KIAA0825: variants seen among roughly 807,000 people sequenced by gnomAD.
The protein encoded by KIAA0825 is uncharacterized protein KIAA0825.
KIAA0825 carries 119 observed loss-of-function variants against 147.6 expected under a neutral mutation model. The ratio of observed to expected loss-of-function variants is 0.81; its 90% CI spans 0.69 to 0.94. The LOEUF (loss-of-function observed/expected upper bound fraction) is 0.94, where lower values mean the gene tolerates loss of function less well. Among genes scored for constraint, KIAA0825 ranks in the 40% least tolerant of loss-of-function variants. The pLI is 0.00. For synonymous variants in KIAA0825, 470 were observed against 518.1 expected, an observed-to-expected ratio of 0.91 and a Z score of 1.26; for missense variants, 1,381 against 1,472.7, an observed-to-expected ratio of 0.94 and a Z score of 1.02.
At chr5:94,261,806 T>C (rs985423722) in intron 20 of KIAA0825, among the ~76,000 whole-genome samples, 3 of 152,086 alleles carry the variant, frequency 2.0e-5, no homozygotes, top group Non-Finnish European at 4.4e-5. Flanking sequence ...TTCATTTCCA[T>C]CTATTCCCAC....
At chr5:94,437,591 A>T (rs1756538108) in intron 14 of KIAA0825, among the ~76,000 whole-genome samples, 1 of 152,202 alleles carries the variant, frequency 6.6e-6, no homozygotes, top group African/African-American at 2.4e-5. Flanking sequence ...GGACATAATT[A>T]TTTTTGATAA....
rs1453661930 is a variant in KIAA0825, at chr5:94,391,681, T to C, written c.3310A>G (p.Ile1104Val). Residue 1104 changes from isoleucine (I) to valine (V), a missense_variant, in exon 18 of 21, where the codon ATA (isoleucine) becomes GTA (valine). By Grantham distance (29) the Ile-to-Val change is conservative. Coordinates refer to ENST00000682413, the MANE Select transcript of KIAA0825 (RefSeq NM_001145678.3). ...KLSTECAFMT[I>V]EKSTALQEGD... is the part of the protein sequence containing the mutation. ...TCTTGTAAGGCCGTGCTTTTCTCTA[T>C]TGTCATAAATGCACTAAATACAAAG... The C allele has an allele frequency of 3.2e-6, 5 of 1,542,184 alleles. No homozygotes were observed. In the East Asian group the frequency reaches 1.2e-4, roughly 38 times the overall value.
chr5:94,211,421 T>C (rs549398101), intron 20 of KIAA0825, among the ~76,000 whole-genome samples: 3 of 152,176 alleles, frequency 2.0e-5, no homozygotes, highest in Non-Finnish European at 4.4e-5. Flanking sequence ...AACATAGGGT[T>C]ATTAGGCTCC....
intron 20 of KIAA0825, among the ~76,000 whole-genome samples, chr5:94,331,290 ACTC>A: frequency 6.6e-6 from 1 of 152,090 alleles, no homozygotes; most frequent in East Asian, 1.9e-4. Flanking sequence ...ATAAAGGACT[ACTC>A]CTTTTCATGA....
chr5:94,246,068 C>T (rs962377188), intron 20 of KIAA0825, among the ~76,000 whole-genome samples: 1 of 151,938 alleles, frequency 6.6e-6, no homozygotes, highest in Non-Finnish European at 1.5e-5. Flanking sequence ...TATCTTAGTT[C>T]GACAATGAGA....
intron 2 of KIAA0825, among the ~76,000 whole-genome samples, chr5:94,538,602 A>C (rs1477378070): frequency 6.6e-6 from 1 of 152,242 alleles, no homozygotes; most frequent in Non-Finnish European, 1.5e-5. Flanking sequence ...TCATTTGGTT[A>C]AACTTGATTC....
At chr5:94,578,544 T>C (rs964664777) in intron 2 of KIAA0825, among the ~76,000 whole-genome samples, 2 of 152,212 alleles carry the variant, frequency 1.3e-5, no homozygotes, top group African/African-American at 4.8e-5. Context: ...ATACAATTGA[T>C]TTTAAGATAA....
rs1359766149 is a variant in KIAA0825 at position 94,484,829 on chromosome 5, CT to C, written c.1071del (p.Gly358ValfsTer15). ...ATTTCGTCAAACAATTCTTGAACAC[CT>C]TTTTCCAGTTTCATAAAGGATTTTA... is the stretch of plus-strand genomic sequence containing the variant. ...QLIKSFMKLE[K>X]GVQELFDEIL... On this transcript the variant is annotated frameshift_variant, in exon 6 of 21. Coordinates refer to ENST00000682413, the MANE Select transcript of KIAA0825 (RefSeq NM_001145678.3). LOFTEE classifies it high-confidence loss of function. The C allele has an allele frequency of 1.9e-5, 29 of 1,530,776 alleles. No homozygotes were observed. The highest frequency in any genetic ancestry group is 4.9e-5 in the South Asian group (4 of 81,418). 94.8% of individuals were successfully genotyped at this position (1,530,776 alleles called of 1,614,324 possible).
intron 5 of KIAA0825, among the ~76,000 whole-genome samples, chr5:94,510,486 T>G (rs1336943488): frequency 1.3e-5 from 2 of 152,188 alleles, no homozygotes; most frequent in African/African-American, 4.8e-5. Flanking sequence ...AAGCAAACAT[T>G]GATAGGTTTT....
chr5:94,465,859 G>T (rs571588021), intron 10 of KIAA0825, among the ~76,000 whole-genome samples: 1 of 152,366 alleles, frequency 6.6e-6, no homozygotes, highest in East Asian at 1.9e-4. Context: ...GCAGAAAGAA[G>T]AGTGTGGCCT....
In KIAA0825 at chr5:94,508,496, A is replaced by T. The variant is rs917369484; in HGVS notation, c.970+11752T>A. Among the ~76,000 whole-genome samples the T allele has an allele frequency of 2.6e-5, 4 of 152,108 alleles. No individual in the cohort carries two copies. The South Asian group carries it at 8.3e-4, about 32-fold the overall frequency. ...TCTATTCCTTGTTAATCTAAGGCAA[A>T]CATTGTTTGTAGTGTGCATTTGTTT... On this transcript the variant is annotated intron_variant, in intron 5 of 20. Transcript: ENST00000682413.
intron 20 of KIAA0825, among the ~76,000 whole-genome samples, chr5:94,348,410 C>G (rs1288278727): frequency 1.3e-5 from 2 of 152,132 alleles, no homozygotes; most frequent in Admixed American, 6.5e-5. Context: ...ACTAGGTAAC[C>G]TTTAAAGGAA....
At position 94,608,239 on chromosome 5, in the gene KIAA0825, T is replaced by A. The variant is rs1184593224; in HGVS notation, c.-153+10261A>T. 3.4e-5 allele frequency among the ~76,000 whole-genome samples: 5 copies of A among 147,912 alleles called. No homozygotes were observed. In the East Asian group the frequency reaches 1.0e-3, roughly 30 times the overall value. ...TTATGTCTTCGATAGGAAGTAAAAATTACTTTTATTTTTATTTATTTATTT... is the reference window on the plus strand; with the variant it reads ...TTATGTCTTCGATAGGAAGTAAAAAATACTTTTATTTTTATTTATTTATTT... On this transcript the variant is annotated intron_variant, in intron 1 of 20. Transcript: ENST00000682413.
At chr5:94,164,039 G>T (rs1767810059) in intron 20 of KIAA0825, among the ~76,000 whole-genome samples, 1 of 152,146 alleles carries the variant, frequency 6.6e-6, no homozygotes. Context: ...GTATCACAAT[G>T]AGTCACATTT....
intron 20 of KIAA0825, among the ~76,000 whole-genome samples, chr5:94,327,959 C>CT (rs1199503589): frequency 2.0e-5 from 3 of 152,024 alleles, no homozygotes; most frequent in African/African-American, 7.2e-5. Context: ...TGAGCCAAGA[C>CT]TGCACCACTG....
chr5:94,552,406 T>C (rs1357186886), intron 2 of KIAA0825, among the ~76,000 whole-genome samples: 6 of 152,104 alleles, frequency 3.9e-5, no homozygotes, highest in Admixed American at 3.9e-4. Context: ...ACAGACAAAA[T>C]AGACCTAATA....
intron 20 of KIAA0825, among the ~76,000 whole-genome samples, chr5:94,169,298 C>T (rs1019165101): frequency 6.6e-6 from 1 of 152,134 alleles, no homozygotes; most frequent in African/African-American, 2.4e-5. Flanking sequence ...AAATTTAAAA[C>T]TGGCAGGGTG....
In KIAA0825 at chr5:94,394,731, A is replaced by G. The variant is rs1343921520; in HGVS notation, c.3296+1370T>C. ...CCCCTTTATAACCACTGCCATGGAT[A>G]ATGACATCAGGCCTTAATTTTTTAG... On this transcript the variant is annotated intron_variant, in intron 17 of 20. Transcript: ENST00000682413. Among the ~76,000 whole-genome samples the G allele has an allele frequency of 2.0e-5, 3 of 152,326 alleles. No homozygotes were observed. The East Asian group carries it at 5.8e-4, about 29-fold the overall frequency.
At chr5:94,276,300 C>A (rs763278374) in intron 20 of KIAA0825, among the ~76,000 whole-genome samples, 91 of 152,206 alleles carry the variant, frequency 6.0e-4, no homozygotes, top group South Asian at 1.2e-3. Flanking sequence ...GGCTTTATGG[C>A]TGTTTCTTTA....
Sources: allele counts gnomAD v4.1 joint callset (sites outside exome capture counted in the v4.1 genomes callset), GRCh38; gene constraint gnomAD v4.1.1; transcripts MANE v1.5; gene names NCBI Gene and HGNC (gene_info 2026-07-23, HGNC 2026-07-21).